The following PRKN variants were observed in gnomAD, a reference collection of about 807,000 sequenced individuals.
PRKN encodes parkin RBR E3 ubiquitin protein ligase, also known as E3 ubiquitin-protein ligase parkin.
Under a neutral mutation model 59.5 loss-of-function variants are expected in PRKN, and 56 were observed. The ratio of observed to expected loss-of-function variants is 0.94; its 90% CI spans 0.76 to 1.18. The LOEUF (loss-of-function observed/expected upper bound fraction) is 1.18, where lower values mean the gene tolerates loss of function less well. PRKN is among the 50% of genes most tolerant of loss of function. The probability of loss-of-function intolerance (pLI) is 0.00; values close to 1 mark genes in which losing one functional copy is unlikely to be tolerated. For missense variants in PRKN, 657 were observed against 596.4 expected, an observed-to-expected ratio of 1.10 and a Z score of -1.06; for synonymous variants, 250 against 222.1, an observed-to-expected ratio of 1.13 and a Z score of -1.12.
At position 161,458,712 on chromosome 6, in the gene PRKN, G is replaced by A. The variant is rs1485390111; in HGVS notation, c.1084-71835C>T. Among the ~76,000 whole-genome samples the A allele has an allele frequency of 1.3e-5, 2 of 152,096 alleles. No individual in the cohort carries two copies. Among genetic ancestry groups the A allele is most frequent in the Non-Finnish European group, 2.9e-5 (2 of 68,028 alleles). ...AATGGGCACTAAATTTATTAGCTTC[G>A]TGCTCACCATGACAGTAACTCCATG... On this transcript the variant is annotated intron_variant, in intron 9 of 11. Coordinates refer to ENST00000366898, the MANE Select transcript of PRKN (RefSeq NM_004562.3). The surrounding 1 kb of genome is among the most constrained non-coding windows in gnomAD (Gnocchi z 6.1).
At chr6:162,700,144 A>G (rs983825194) in intron 1 of PRKN, among the ~76,000 whole-genome samples, 1 of 152,038 alleles carries the variant, frequency 6.6e-6, no homozygotes, top group Non-Finnish European at 1.5e-5. Context: ...AAGCATCTGG[A>G]CCTCGTTGGG....
intron 4 of PRKN, among the ~76,000 whole-genome samples, chr6:162,111,571 A>G (rs1780442111): frequency 6.6e-6 from 1 of 152,118 alleles, no homozygotes; most frequent in African/African-American, 2.4e-5. Flanking sequence ...GTTTTGTGTG[A>G]GTGCGGGGTG....
At chr6:162,118,741 A>C (rs1173823831) in intron 4 of PRKN, among the ~76,000 whole-genome samples, 1 of 152,246 alleles carries the variant, frequency 6.6e-6, no homozygotes, top group East Asian at 1.9e-4. Context: ...ATTACAAAAA[A>C]GTTAAAAAGC....
chr6:161,695,933 T>C (rs886743071), intron 7 of PRKN, among the ~76,000 whole-genome samples: 2 of 152,222 alleles, frequency 1.3e-5, no homozygotes, highest in Non-Finnish European at 2.9e-5. Context: ...GATTACATAG[T>C]GGACTGGGTG....
At chr6:162,235,958 G>A (rs28896219) in intron 3 of PRKN, among the ~76,000 whole-genome samples, 40,988 of 91,314 alleles carry the variant, frequency 0.45, 10,825 homozygotes, top group East Asian at 0.77. Flanking sequence ...AGGAAGAAAG[G>A]AAGAAAGAAA....
intron 7 of PRKN, among the ~76,000 whole-genome samples, chr6:161,634,130 G>A (rs1427943512): frequency 2.0e-5 from 3 of 152,070 alleles, no homozygotes; most frequent in Non-Finnish European, 4.4e-5. Flanking sequence ...CTGTCCCATA[G>A]GTGAGTCAGA....
intron 5 of PRKN, among the ~76,000 whole-genome samples, chr6:162,028,141 C>T (rs933791935): frequency 2.6e-5 from 4 of 152,124 alleles, no homozygotes; most frequent in African/African-American, 9.7e-5. Flanking sequence ...TTTAGAAAAG[C>T]CAGGTGTTAT....
chr6:161,531,036 AT>A, intron 9 of PRKN, among the ~76,000 whole-genome samples: 1 of 152,258 alleles, frequency 6.6e-6, no homozygotes, highest in Non-Finnish European at 1.5e-5. Context: ...AATAATGTTT[AT>A]TTTACCTGAA....
chr6:161,774,382 G>GCACACACACACACACACA (rs3220723), intron 7 of PRKN, among the ~76,000 whole-genome samples: 1 of 130,934 alleles, frequency 7.6e-6, no homozygotes, highest in South Asian at 2.7e-4. Flanking sequence ...TACTCCCTGA[G>GCACACACACACACACACA]CACACACACA....
At position 162,010,836 on chromosome 6, in the gene PRKN, A is replaced by G. The variant is rs1340398289; in HGVS notation, c.619-37419T>C. Among the ~76,000 whole-genome samples the G allele has an allele frequency of 1.8e-3, 21 of 11,878 alleles. 4 individuals carry two copies. Among genetic ancestry groups the G allele is most frequent in the African/African-American group, 0.016 (19 of 1,224 alleles). The allele number at this position is 11,878 out of a possible 152,430, so 7.8% of individuals were successfully genotyped here. A position where few individuals can be genotyped will look rare whatever the true frequency, so the allele number is the denominator to read the frequency against. On this transcript the variant is annotated intron_variant, in intron 5 of 11. Transcript: ENST00000366898. ...TAATGTATAATATATACAATATATT[A>G]TATAATACATAATATTAATATATAT... is the stretch of plus-strand genomic sequence containing the variant.
intron 2 of PRKN, among the ~76,000 whole-genome samples, chr6:162,373,634 A>G (rs1785889354): frequency 6.6e-6 from 1 of 152,186 alleles, no homozygotes; most frequent in Non-Finnish European, 1.5e-5. Context: ...CTTCCTTTAT[A>G]GGAAATTCTT....
intron 4 of PRKN, among the ~76,000 whole-genome samples, chr6:162,096,197 A>G (rs770307282): frequency 1.3e-5 from 2 of 152,178 alleles, no homozygotes; most frequent in Non-Finnish European, 2.9e-5. Context: ...GATTTGTTTT[A>G]CCACAGATTA....
Position 161,448,562 on chromosome 6 carries a change from TCTC to T in PRKN, c.1084-61688_1084-61686del, listed in dbSNP as rs1789595153. 6.6e-6 allele frequency among the ~76,000 whole-genome samples: 1 copy of T among 152,226 alleles called. No homozygotes were observed. The highest frequency in any genetic ancestry group is 2.1e-4 in the South Asian group (1 of 4,830). ...TTATCCCAGTTTCTTCCGTCTTTCTTCTCTTCTTTCTCTTTCTCTGTCCCCCGA... is the reference window on the plus strand; with the variant it reads ...TTATCCCAGTTTCTTCCGTCTTTCTTTTCTTTCTCTTTCTCTGTCCCCCGA... On this transcript the variant is annotated intron_variant, in intron 9 of 11. Transcript: ENST00000366898. The surrounding 1 kb of genome is among the most constrained non-coding windows in gnomAD (Gnocchi z 5.1).
At chr6:162,412,185 A>G (rs976001529) in intron 2 of PRKN, among the ~76,000 whole-genome samples, 1 of 152,202 alleles carries the variant, frequency 6.6e-6, no homozygotes, top group African/African-American at 2.4e-5. Context: ...CTGCCATAAT[A>G]TTGGAACGAT....
At chr6:161,781,102 A>G (rs60225405) in intron 7 of PRKN, among the ~76,000 whole-genome samples, 10,290 of 152,246 alleles carry the variant, frequency 0.068, 847 homozygotes, top group African/African-American at 0.2. Context: ...ACACAGTTGA[A>G]TGGCAGTACA....
intron 1 of PRKN, among the ~76,000 whole-genome samples, chr6:162,587,137 T>C (rs2128213147): frequency 6.6e-6 from 1 of 152,306 alleles, no homozygotes. Context: ...TAGCATTTAT[T>C]CTTATTTTTG....
At chr6:162,564,440 G>A (rs1378931986) in intron 1 of PRKN, among the ~76,000 whole-genome samples, 1 of 151,924 alleles carries the variant, frequency 6.6e-6, no homozygotes, top group Non-Finnish European at 1.5e-5. Context: ...GTATTTAAAG[G>A]GATAATAACA....
At chr6:162,663,034 C>T (rs1170706483) in intron 1 of PRKN, among the ~76,000 whole-genome samples, 2 of 152,130 alleles carry the variant, frequency 1.3e-5, no homozygotes, top group Non-Finnish European at 2.9e-5. Flanking sequence ...AACAAGGGAG[C>T]AGAGTAGAAC....
intron 5 of PRKN, among the ~76,000 whole-genome samples, chr6:162,046,960 T>C (rs2128283489): frequency 6.6e-6 from 1 of 151,844 alleles, no homozygotes; most frequent in East Asian, 1.9e-4. Flanking sequence ...GGTTTAGAAA[T>C]AAGCTGTCCT....
Sources: gnomAD v4.1 joint callset for allele counts (sites outside exome capture counted in the v4.1 genomes callset) on GRCh38, gnomAD v4.1.1 for gene constraint, Gnocchi (gnomAD v3.1) non-coding constraint, MANE v1.5 for transcripts, NCBI Gene and HGNC (gene_info 2026-07-23, HGNC 2026-07-21) for gene names.